ENOX1: variants seen among roughly 807,000 people sequenced by gnomAD.
ENOX1 encodes the protein candidate growth-related and time keeping constitutive hydroquinone (NADH) oxidase.
A neutral mutation model predicts 82.5 loss-of-function variants in ENOX1; 42 were observed. The observed-to-expected ratio is 0.51, with a 90% CI of 0.40 to 0.66. The LOEUF is 0.66. Ranked by LOEUF, ENOX1 falls within the 30% of genes least tolerant of loss-of-function variation. The pLI, the probability that ENOX1 is intolerant of heterozygous loss-of-function variation, is 0.00. For synonymous variants in ENOX1, 271 were observed against 282.2 expected (o/e 0.96, Z 0.40); for missense variants, 608 against 811.6 (o/e 0.75, Z 3.05).
intron 2 of ENOX1, among the ~76,000 whole-genome samples, chr13:43,643,255 T>G (rs896466444): frequency 2.6e-5 from 4 of 152,160 alleles, no homozygotes; most frequent in African/African-American, 9.7e-5. Context: ...CCCCACCGTC[T>G]ACCTCCTGGC....
At chr13:43,742,350 C>T (rs1319848125) in intron 1 of ENOX1, among the ~76,000 whole-genome samples, 3 of 151,860 alleles carry the variant, frequency 2.0e-5, no homozygotes, top group Non-Finnish European at 4.4e-5. Flanking sequence ...GGCCTAGGAA[C>T]TAGAAGCATC....
intron 2 of ENOX1, among the ~76,000 whole-genome samples, chr13:43,550,702 A>G (rs2079157110): frequency 6.6e-6 from 1 of 152,130 alleles, no homozygotes; most frequent in South Asian, 2.1e-4. Flanking sequence ...GGGTTAAGTA[A>G]TTTTCCCATG....
chr13:43,621,256 T>C (rs1264511356), intron 2 of ENOX1, among the ~76,000 whole-genome samples: 1 of 152,190 alleles, frequency 6.6e-6, no homozygotes, highest in African/African-American at 2.4e-5. Context: ...AGATGTGAGG[T>C]ACCATTGAAT....
intron 1 of ENOX1, among the ~76,000 whole-genome samples, chr13:43,691,899 AC>A (rs2086387290): frequency 1.3e-5 from 2 of 151,854 alleles, no homozygotes; most frequent in Admixed American, 1.3e-4. Context: ...ATGGGGTTTC[AC>A]CGTGTTAGGC....
Position 43,404,788 on chromosome 13 carries a change from G to GT in ENOX1, c.208+7127dup, listed in dbSNP as rs200875198. 2.2e-3 allele frequency among the ~76,000 whole-genome samples: 334 copies of GT among 152,304 alleles called. 7 individuals carry two copies. Among genetic ancestry groups the GT allele is most frequent in the Admixed American group, 0.021 (321 of 15,296 alleles). On this transcript the variant is annotated intron_variant, in intron 5 of 16. Transcript: ENST00000690772. The stretch of plus-strand genomic sequence containing the variant: ...GTCCTAATGTCCTGGGGAAGAAAGG[G>GT]TAAGTAAATGCATAGAGTGTAACAG...
chr13:43,398,098 T>A (rs548491569), intron 5 of ENOX1, among the ~76,000 whole-genome samples: 4 of 152,346 alleles, frequency 2.6e-5, no homozygotes, highest in Admixed American at 6.5e-5. Flanking sequence ...AAAGTCCCCA[T>A]GTCCTAATAT....
chr13:43,460,060 C>G (rs2057400105), intron 3 of ENOX1, among the ~76,000 whole-genome samples: 1 of 152,090 alleles, frequency 6.6e-6, no homozygotes, highest in East Asian at 1.9e-4. Flanking sequence ...AAAAAACTAT[C>G]CTCAAGGGGC....
intron 7 of ENOX1, among the ~76,000 whole-genome samples, chr13:43,356,750 T>C (rs549240317): frequency 6.6e-6 from 1 of 152,280 alleles, no homozygotes; most frequent in African/African-American, 2.4e-5. Flanking sequence ...AATTTTGCAA[T>C]GCTGTTTTAT....
intron 3 of ENOX1, among the ~76,000 whole-genome samples, chr13:43,463,676 C>T (rs2057589660): frequency 6.6e-6 from 1 of 152,130 alleles, no homozygotes; most frequent in South Asian, 2.1e-4. Context: ...ATACCCAACC[C>T]CTCTCAATAT....
At chr13:43,385,993 C>T (rs1435220791) in intron 5 of ENOX1, among the ~76,000 whole-genome samples, 1 of 152,108 alleles carries the variant, frequency 6.6e-6, no homozygotes, top group Admixed American at 6.6e-5. Flanking sequence ...TGGTGAAACC[C>T]CATCTCTACT....
At chr13:43,251,909 A>T (rs2043477358) in intron 14 of ENOX1, among the ~76,000 whole-genome samples, 1 of 152,156 alleles carries the variant, frequency 6.6e-6, no homozygotes, top group Non-Finnish European at 1.5e-5. Flanking sequence ...ATATGCTTAC[A>T]GCTGTGAGAC....
intron 1 of ENOX1, among the ~76,000 whole-genome samples, chr13:43,757,954 G>A (rs1175382536): frequency 6.6e-6 from 1 of 152,110 alleles, no homozygotes; most frequent in African/African-American, 2.4e-5. Context: ...CAACAGATTG[G>A]CCGGGTGCGG....
chr13:43,462,795 C>G (rs1307276365), intron 3 of ENOX1, among the ~76,000 whole-genome samples: 1 of 152,074 alleles, frequency 6.6e-6, no homozygotes, highest in Non-Finnish European at 1.5e-5. Context: ...AACCTCACTC[C>G]CAGGAAATTA....
intron 15 of ENOX1, among the ~76,000 whole-genome samples, chr13:43,231,959 C>T (rs1480817812): frequency 6.6e-6 from 1 of 152,172 alleles, no homozygotes; most frequent in Admixed American, 6.5e-5. Context: ...GGGTCTCACT[C>T]TATCACCCAG....
chr13:43,486,301 T>C (rs2153658869), intron 2 of ENOX1, among the ~76,000 whole-genome samples: 1 of 152,120 alleles, frequency 6.6e-6, no homozygotes, highest in South Asian at 2.1e-4. Flanking sequence ...TAAGAATCAC[T>C]TGAACCCAGG....
chr13:43,641,290 G>C (rs1208710533), intron 2 of ENOX1, among the ~76,000 whole-genome samples: 6 of 151,914 alleles, frequency 3.9e-5, no homozygotes, highest in Admixed American at 6.6e-5. Context: ...ACCCAAGAAA[G>C]CCCAAAGCAG....
intron 1 of ENOX1, among the ~76,000 whole-genome samples, chr13:43,757,928 C>A (rs1470103902): frequency 1.3e-5 from 2 of 151,888 alleles, no homozygotes; most frequent in East Asian, 1.9e-4. Context: ...AAACTGGAAA[C>A]AACACAGAAG....
At chr13:43,410,645 C>CAA (rs2054070247) in intron 5 of ENOX1, among the ~76,000 whole-genome samples, 1 of 151,480 alleles carries the variant, frequency 6.6e-6, no homozygotes, top group Non-Finnish European at 1.5e-5. Flanking sequence ...CACACACACA[C>CAA]ACACACATAT....
intron 1 of ENOX1, among the ~76,000 whole-genome samples, chr13:43,689,127 G>A (rs945493557): frequency 2.6e-5 from 4 of 152,156 alleles, no homozygotes; most frequent in Admixed American, 6.5e-5. Context: ...GGAGGGATCC[G>A]AACTTCCAGA....
Sources: gnomAD v4.1 joint callset for allele counts (sites outside exome capture counted in the v4.1 genomes callset) on GRCh38, gnomAD v4.1.1 for gene constraint, MANE v1.5 for transcripts, NCBI Gene and HGNC (gene_info 2026-07-23, HGNC 2026-07-21) for gene names.